The following SGCD variants were observed in gnomAD, a reference collection of about 807,000 sequenced individuals.
The protein encoded by SGCD is sarcoglycan delta.
Under a neutral mutation model 36.6 loss-of-function variants are expected in SGCD, and 18 were observed. That is an observed-to-expected ratio of 0.49 (90% CI 0.34 to 0.73). SGCD has a LOEUF of 0.73. SGCD is among the 30% of genes least tolerant of loss of function. The probability of loss-of-function intolerance (pLI) is 0.01; values close to 1 mark genes in which losing one functional copy is unlikely to be tolerated. For missense variants in SGCD, 387 were observed against 346.7 expected (o/e 1.12, Z -0.92); for synonymous variants, 133 against 130.6 (o/e 1.02, Z -0.12).
At chr5:155,803,811 A>G in the SGCD span, among the ~76,000 whole-genome samples, 1 of 152,286 alleles carries the variant, frequency 6.6e-6, no homozygotes, top group East Asian at 1.9e-4. Context: ...TCCTTCAGTG[A>G]TGGAGCATAG....
chr5:156,080,243 C>G (rs1760915289), intron 1 of SGCD, among the ~76,000 whole-genome samples: 1 of 152,164 alleles, frequency 6.6e-6, no homozygotes, highest in Non-Finnish European at 1.5e-5. Flanking sequence ...AGTGGCACCC[C>G]AGGCCTGGCC....
intron 3 of SGCD, among the ~76,000 whole-genome samples, chr5:156,504,171 T>G (rs953926100): frequency 6.7e-6 from 1 of 148,708 alleles, no homozygotes; most frequent in Non-Finnish European, 1.5e-5. Context: ...ACTGTTGCAC[T>G]CCAGCCTGGG....
At chr5:156,080,911 CCTATACGTTTTCA>C (rs1760932925) in intron 1 of SGCD, among the ~76,000 whole-genome samples, 2 of 152,192 alleles carry the variant, frequency 1.3e-5, no homozygotes, top group South Asian at 4.1e-4. Flanking sequence ...TCCAAAGTCA[CCTATACGTTTTCA>C]CTATTTTAAT....
intron 1 of SGCD, among the ~76,000 whole-genome samples, chr5:156,093,700 C>G (rs948756688): frequency 1.3e-5 from 2 of 152,154 alleles, no homozygotes; most frequent in African/African-American, 4.8e-5. Context: ...GGATTGGTCT[C>G]AGAGAGACCC....
chr5:156,465,079 C>T (rs1254423971), intron 3 of SGCD, among the ~76,000 whole-genome samples: 1 of 152,092 alleles, frequency 6.6e-6, no homozygotes, highest in African/African-American at 2.4e-5. Context: ...ATCCACAGTG[C>T]TGTACCCAGG....
At chr5:155,877,863 A>G (rs999400540) in intron 1 of SGCD, among the ~76,000 whole-genome samples, 1 of 152,136 alleles carries the variant, frequency 6.6e-6, no homozygotes, top group African/African-American at 2.4e-5. Context: ...CATTATGACT[A>G]TAGGAAAGGG....
At chr5:156,391,045 G>A (rs972317800) in intron 3 of SGCD, among the ~76,000 whole-genome samples, 9 of 152,100 alleles carry the variant, frequency 5.9e-5, no homozygotes, top group East Asian at 1.9e-4. Flanking sequence ...CCACTCACTC[G>A]CTGACTTACC....
chr5:156,474,708 G>A (rs1308600050), intron 3 of SGCD, among the ~76,000 whole-genome samples: 1 of 152,178 alleles, frequency 6.6e-6, no homozygotes, highest in African/African-American at 2.4e-5. Context: ...AAGGATAATT[G>A]GGGAAACAGG....
chr5:156,608,039 T>A, intron 6 of SGCD, among the ~76,000 whole-genome samples: 1 of 152,184 alleles, frequency 6.6e-6, no homozygotes, highest in East Asian at 1.9e-4. Flanking sequence ...GTGTCTCTAT[T>A]TCCTTCAGTT....
intron 1 of SGCD, among the ~76,000 whole-genome samples, chr5:155,970,260 A>T (rs1465518576): frequency 6.6e-6 from 1 of 152,056 alleles, no homozygotes; most frequent in Admixed American, 6.6e-5. Context: ...AGATGACCAC[A>T]TCTCTCCTCC....
chr5:155,975,222 C>T (rs1758085282), intron 1 of SGCD, among the ~76,000 whole-genome samples: 1 of 152,170 alleles, frequency 6.6e-6, no homozygotes, highest in Admixed American at 6.5e-5. Context: ...CCATCATCAC[C>T]ATCACACATG....
intron 4 of SGCD, among the ~76,000 whole-genome samples, chr5:156,579,507 TG>T (rs1231188137): frequency 6.6e-6 from 1 of 152,182 alleles, no homozygotes; most frequent in Non-Finnish European, 1.5e-5. Context: ...ATATTGACAG[TG>T]GGGTGTTAAA....
the SGCD span, among the ~76,000 whole-genome samples, chr5:155,817,358 C>A: frequency 6.6e-6 from 1 of 150,696 alleles, no homozygotes; most frequent in African/African-American, 2.4e-5. Flanking sequence ...ATATTAGGGT[C>A]CTGCAAGTTT....
chr5:155,848,139 G>A, the SGCD span, among the ~76,000 whole-genome samples: 1 of 152,162 alleles, frequency 6.6e-6, no homozygotes, highest in Non-Finnish European at 1.5e-5. Flanking sequence ...TCCAGAGGGA[G>A]GGAGGGGGAG....
chr5:156,744,603 C>T (rs1388987316), intron 7 of SGCD, among the ~76,000 whole-genome samples: 1 of 152,174 alleles, frequency 6.6e-6, no homozygotes, highest in Admixed American at 6.5e-5. Context: ...GACAACCTTA[C>T]CTAGATTGTT....
chr5:156,015,517 A>G (rs534875966), intron 1 of SGCD, among the ~76,000 whole-genome samples: 1 of 152,146 alleles, frequency 6.6e-6, no homozygotes, highest in South Asian at 2.1e-4. Context: ...CTAGCTAAGT[A>G]TTAGGTGGCT....
chr5:155,855,052 T>G, the SGCD span, among the ~76,000 whole-genome samples: 1 of 152,162 alleles, frequency 6.6e-6, no homozygotes, highest in Admixed American at 6.6e-5. Context: ...CCCACCACTT[T>G]CGGTTCTTCT....
chr5:156,291,168 G>A (rs1416206430), intron 3 of SGCD, among the ~76,000 whole-genome samples: 1 of 152,096 alleles, frequency 6.6e-6, no homozygotes, highest in African/African-American at 2.4e-5. Flanking sequence ...GAAGGTACAA[G>A]TTTTAATGTT....
intron 7 of SGCD, among the ~76,000 whole-genome samples, chr5:156,671,264 T>C (rs1010016974): frequency 1.5e-5 from 2 of 136,172 alleles, no homozygotes; most frequent in Non-Finnish European, 3.1e-5. Context: ...CATGGATATC[T>C]ATTGATTCTT....
Sources: allele counts gnomAD v4.1 joint callset (sites outside exome capture counted in the v4.1 genomes callset), GRCh38; gene constraint gnomAD v4.1.1; transcripts MANE v1.5; gene names NCBI Gene and HGNC (gene_info 2026-07-23, HGNC 2026-07-21).